RAP1A: variants seen among roughly 807,000 people sequenced by gnomAD.
RAP1A encodes the protein RAP1A, member of RAS oncogene family.
Under a neutral mutation model 26.4 loss-of-function variants are expected in RAP1A, and 6 were observed. The ratio of observed to expected loss-of-function variants is 0.23; its 90% CI spans 0.12 to 0.45. The LOEUF (loss-of-function observed/expected upper bound fraction) is 0.45. Ranked by LOEUF, RAP1A falls within the 20% of genes least tolerant of loss-of-function variation. RAP1A has a pLI of 0.99. For missense variants in RAP1A, 121 were observed against 217.2 expected (o/e 0.56, Z 2.78); for synonymous variants, 73 against 79.4 (o/e 0.92, Z 0.43).
chr1:111,618,395 G>T (rs2365321), upstream of RAP1A, among the ~76,000 whole-genome samples: 1,788 of 152,158 alleles, frequency 0.012, 33 homozygotes, highest in African/African-American at 0.042. Flanking sequence ...GTTTTCCAAC[G>T]CTTCACCTTC....
chr1:111,659,179 A>C (rs944870941), intron 1 of RAP1A, among the ~76,000 whole-genome samples: 21 of 152,194 alleles, frequency 1.4e-4, no homozygotes, highest in Admixed American at 9.8e-4. Context: ...TGGATGCCTG[A>C]AACCGCGGAT....
chr1:111,698,163 C>A (rs1661897238), intron 4 of RAP1A, among the ~76,000 whole-genome samples: 1 of 152,146 alleles, frequency 6.6e-6, no homozygotes. Flanking sequence ...TCCAGTTATA[C>A]TGCCACATAA....
chr1:111,684,625 A>G (rs565498059), intron 1 of RAP1A, among the ~76,000 whole-genome samples: 112 of 152,352 alleles, frequency 7.4e-4, no homozygotes, highest in Non-Finnish European at 1.5e-3. Flanking sequence ...GCACAAGGAA[A>G]TAAGAGAGGA....
upstream of RAP1A, among the ~76,000 whole-genome samples, chr1:111,618,908 C>T (rs1004800976): frequency 6.6e-6 from 1 of 152,214 alleles, no homozygotes; most frequent in African/African-American, 2.4e-5. Context: ...TACTGGTATC[C>T]CAAGGACATC....
At chr1:111,662,033 T>C (rs1448955282) in intron 1 of RAP1A, among the ~76,000 whole-genome samples, 1 of 152,154 alleles carries the variant, frequency 6.6e-6, no homozygotes, top group Admixed American at 6.5e-5. Context: ...TTCAAACTGA[T>C]TCATCTCTCA....
At chr1:111,710,773 A>G (rs1662359574) in intron 7 of RAP1A, among the ~76,000 whole-genome samples, 1 of 152,268 alleles carries the variant, frequency 6.6e-6, no homozygotes, top group African/African-American at 2.4e-5. Context: ...AGTCAGATTT[A>G]GGAAAGACAG....
chr1:111,574,608 T>C (rs1658110560), intron 1 of RAP1A, among the ~76,000 whole-genome samples: 1 of 152,264 alleles, frequency 6.6e-6, no homozygotes, highest in South Asian at 2.1e-4. Flanking sequence ...TTTTTCCATT[T>C]GCTTGTGTTA....
At position 111,699,184 on chromosome 1, in the gene RAP1A, T is replaced by G. The variant is rs75593571; in HGVS notation, c.183+1687T>G. Among the ~76,000 whole-genome samples, 856 of 152,250 alleles carry G rather than the reference T, an allele frequency of 5.6e-3. 8 individuals are homozygous for G. Among genetic ancestry groups the G allele is most frequent in the African/African-American group, 0.02 (827 of 41,544 alleles). On this transcript the variant is annotated intron_variant, in intron 4 of 7. Coordinates refer to ENST00000369709, the MANE Select transcript of RAP1A (RefSeq NM_002884.4). ...CTTGTCTCAAAATCACTCCTTACAC[T>G]TTGAAGATTTTTGCTTTCTCTCTTT...
chr1:111,702,902 TA>T (rs1304163121), intron 4 of RAP1A, among the ~76,000 whole-genome samples: 2 of 152,088 alleles, frequency 1.3e-5, no homozygotes, highest in African/African-American at 4.8e-5. Flanking sequence ...GTCAAGATGA[TA>T]AAAATATTGC....
chr1:111,638,481 C>T (rs970793480), intron 1 of RAP1A, among the ~76,000 whole-genome samples: 2 of 151,672 alleles, frequency 1.3e-5, no homozygotes, highest in African/African-American at 4.8e-5. Flanking sequence ...TTAATCCTAC[C>T]CCCGGGCTAG....
chr1:111,637,891 A>G (rs1659771383), intron 1 of RAP1A, among the ~76,000 whole-genome samples: 1 of 151,992 alleles, frequency 6.6e-6, no homozygotes, highest in Non-Finnish European at 1.5e-5. Flanking sequence ...TGCATCCTTA[A>G]TTATTTCTGT....
At chr1:111,581,841 G>A (rs1658263371) in intron 1 of RAP1A, among the ~76,000 whole-genome samples, 1 of 152,202 alleles carries the variant, frequency 6.6e-6, no homozygotes, top group South Asian at 2.1e-4. Flanking sequence ...CTTTTATTAA[G>A]TGTCCACTTT....
At chr1:111,588,285 C>A (rs1274962743) in intron 1 of RAP1A, among the ~76,000 whole-genome samples, 3 of 152,182 alleles carry the variant, frequency 2.0e-5, no homozygotes, top group African/African-American at 7.2e-5. Flanking sequence ...TTAGCTGAGG[C>A]CTTTGCCATT....
Position 111,715,992 on chromosome 1 carries a change from G to A in RAP1A, c.*3591G>A, listed in dbSNP as rs539254832. 6.6e-6 allele frequency: 1 copy of A among 152,214 alleles called. No homozygotes were observed. Among genetic ancestry groups the A allele is most frequent in the Non-Finnish European group, 1.5e-5 (1 of 68,038 alleles). The allele number at this position is 152,214 out of a possible 1,614,324, so 9.4% of individuals were successfully genotyped here. Reference sequence around the variant, plus strand: ...CCTTTGCAAGCAATCACAGCAGAATGCTAGAAAACATAAAATATACTCTTA... The same window carrying A: ...CCTTTGCAAGCAATCACAGCAGAATACTAGAAAACATAAAATATACTCTTA... On this transcript the variant is annotated 3_prime_UTR_variant, in exon 8 of 8. Transcript: ENST00000369709.
At chr1:111,687,763 C>T (rs902197683) in intron 1 of RAP1A, among the ~76,000 whole-genome samples, 5 of 151,886 alleles carry the variant, frequency 3.3e-5, no homozygotes, top group African/African-American at 1.2e-4. Flanking sequence ...CCTGTAATCC[C>T]AGCACTTTGG....
At chr1:111,624,810 G>A (rs1262926259) in intron 1 of RAP1A, among the ~76,000 whole-genome samples, 2 of 151,950 alleles carry the variant, frequency 1.3e-5, no homozygotes, top group Non-Finnish European at 2.9e-5. Context: ...CTTGATATAC[G>A]CATGGAAAAT....
At chr1:111,655,000 C>T (rs565616134) in intron 1 of RAP1A, among the ~76,000 whole-genome samples, 28 of 151,760 alleles carry the variant, frequency 1.8e-4, no homozygotes, top group African/African-American at 5.6e-4. Context: ...CGTGCCACTG[C>T]ACTCCAGCGG....
chr1:111,577,989 G>C (rs1236404207), intron 1 of RAP1A, among the ~76,000 whole-genome samples: 2 of 152,228 alleles, frequency 1.3e-5, no homozygotes, highest in Non-Finnish European at 2.9e-5. Flanking sequence ...CTTAGAGGGA[G>C]ACAAGATGAG....
At chr1:111,686,583 C>G (rs1445025077) in intron 1 of RAP1A, 1 of 148,458 alleles carries the variant, frequency 6.7e-6, no homozygotes, top group Non-Finnish European at 1.5e-5. Context: ...CCCAGCTACT[C>G]AGGAGGCTGA....
Sources: allele counts gnomAD v4.1 joint callset (sites outside exome capture counted in the v4.1 genomes callset), GRCh38; gene constraint gnomAD v4.1.1; transcripts MANE v1.5; gene names NCBI Gene and HGNC (gene_info 2026-07-23, HGNC 2026-07-21).